The following PUM2 variants were observed in gnomAD, a reference collection of about 807,000 sequenced individuals.
The protein encoded by PUM2 is pumilio RNA binding family member 2, also known as pumilio homolog 2.
Under a neutral mutation model 124.5 loss-of-function variants are expected in PUM2, and 57 were observed. The observed-to-expected ratio is 0.46, with a 90% CI of 0.37 to 0.57. The LOEUF (loss-of-function observed/expected upper bound fraction) is 0.57. Ranked by LOEUF, PUM2 falls within the 20% of genes least tolerant of loss-of-function variation. The pLI is 0.00. For missense variants in PUM2, 1,065 were observed against 1,290.6 expected, an observed-to-expected ratio of 0.83 and a Z score of 2.68; for synonymous variants, 460 against 446.1, an observed-to-expected ratio of 1.03 and a Z score of -0.39.
At chr2:20,288,341 C>A (rs1476014144) in intron 10 of PUM2, among the ~76,000 whole-genome samples, 2 of 152,070 alleles carry the variant, frequency 1.3e-5, no homozygotes, top group Non-Finnish European at 2.9e-5. Flanking sequence ...GGGTGAACTG[C>A]AACAAACTGA....
Position 20,250,109 on chromosome 2 carries a change from C to T in PUM2, c.*1476G>A, listed in dbSNP as rs1357013208. On this transcript the variant is annotated 3_prime_UTR_variant, in exon 21 of 21. Coordinates refer to ENST00000361078, the MANE Select transcript of PUM2 (RefSeq NM_015317.5). The stretch of plus-strand genomic sequence containing the variant: ...TTAATAAGATGAAAAAAGCATTGGC[C>T]TCCATGGTAACCAAATATCTCAGTC... 3 of 152,536 alleles carry T rather than the reference C, an allele frequency of 2.0e-5. No individual in the cohort carries two copies. The highest frequency in any genetic ancestry group is 7.2e-5 in the African/African-American group (3 of 41,418). The allele number at this position is 152,536 out of a possible 1,614,324, so 9.4% of individuals were successfully genotyped here.
chr2:20,332,402 A>G (rs1346249223), intron 1 of PUM2, among the ~76,000 whole-genome samples: 1 of 150,128 alleles, frequency 6.7e-6, no homozygotes, highest in Non-Finnish European at 1.5e-5. Context: ...GTAGAGTAAA[A>G]AGACTTAAAA....
At chr2:20,333,288 C>T (rs1456710699) in intron 1 of PUM2, among the ~76,000 whole-genome samples, 1 of 152,052 alleles carries the variant, frequency 6.6e-6, no homozygotes. Context: ...AATCCTAACA[C>T]ATTATTGAGG....
chr2:20,261,081 G>A (rs1438332329), intron 14 of PUM2, among the ~76,000 whole-genome samples: 2 of 152,098 alleles, frequency 1.3e-5, no homozygotes, highest in Middle Eastern at 3.2e-3. Context: ...TAAACCTACT[G>A]CACTGTCAGT....
At chr2:20,346,023 G>A (rs562029252) in intron 1 of PUM2, among the ~76,000 whole-genome samples, 1 of 152,290 alleles carries the variant, frequency 6.6e-6, no homozygotes, top group South Asian at 2.1e-4. Flanking sequence ...CAAGAGCGTA[G>A]AGCACTCCTA....
chr2:20,249,979 T>A lies in PUM2; in HGVS notation c.*1606A>T, dbSNP rs1662918133. 6.6e-6 allele frequency: 1 copy of A among 152,656 alleles called. No individual in the cohort carries two copies. The highest frequency in any genetic ancestry group is 1.5e-5 in the Non-Finnish European group (1 of 68,036). The allele number at this position is 152,656 out of a possible 1,614,324, so 9.5% of individuals were successfully genotyped here. ...TGTACATCGTGTTACTGTTATGTCT[T>A]ATGTCCAGAGGAAAAAATGTTATCA... On this transcript the variant is annotated 3_prime_UTR_variant, in exon 21 of 21. Transcript: ENST00000361078.
chr2:20,288,694 G>T (rs751573824), intron 10 of PUM2, among the ~76,000 whole-genome samples: 1 of 152,192 alleles, frequency 6.6e-6, no homozygotes, highest in Non-Finnish European at 1.5e-5. Flanking sequence ...GCTAAAGTAT[G>T]AGGCCTGAAG....
rs139616649 is a variant in PUM2 at position 20,332,587 on chromosome 2, T to C, written c.-18-5209A>G. ...CATATCCATATAAACTATAATAAAG[T>C]TGAAGAGATGGGGAGACAGTTGCCC... On this transcript the variant is annotated intron_variant, in intron 1 of 20. Transcript: ENST00000361078. 7.7e-3 allele frequency among the ~76,000 whole-genome samples: 1,166 copies of C among 152,132 alleles called. 11 individuals carry two copies. The highest frequency in any genetic ancestry group is 0.027 in the African/African-American group (1,116 of 41,498).
chr2:20,296,604 C>T (rs982254234), intron 8 of PUM2, among the ~76,000 whole-genome samples: 1 of 146,286 alleles, frequency 6.8e-6, no homozygotes, highest in African/African-American at 2.5e-5. Flanking sequence ...GCCCCCCCAG[C>T]CCCCCCAAAA....
intron 13 of PUM2, among the ~76,000 whole-genome samples, chr2:20,271,810 G>C (rs577192643): frequency 1.8e-4 from 28 of 152,270 alleles, no homozygotes; most frequent in African/African-American, 6.5e-4. Context: ...AGTTTACAAA[G>C]ATGTGAAACA....
At chr2:20,285,188 TC>T in intron 10 of PUM2, among the ~76,000 whole-genome samples, 1 of 152,346 alleles carries the variant, frequency 6.6e-6, no homozygotes, top group South Asian at 2.1e-4. Context: ...CACAGTCAAC[TC>T]AACTCTGAAG....
At chr2:20,316,333 T>C (rs546609058) in intron 3 of PUM2, among the ~76,000 whole-genome samples, 20 of 152,164 alleles carry the variant, frequency 1.3e-4, no homozygotes, top group Non-Finnish European at 2.4e-4. Context: ...TTAAACATTA[T>C]ATAGAAGCAT....
intron 3 of PUM2, among the ~76,000 whole-genome samples, chr2:20,316,139 G>C (rs1680885447): frequency 6.6e-6 from 1 of 151,920 alleles, no homozygotes; most frequent in Admixed American, 6.6e-5. Flanking sequence ...CTCCAAACCT[G>C]GCATATTATG....
intron 6 of PUM2, 84 bp downstream of exon 6, chr2:20,308,230 C>T: frequency 6.6e-7 from 1 of 1,510,326 alleles, no homozygotes; most frequent in Non-Finnish European, 9.0e-7. Context: ...AAACCCCTAC[C>T]ATTCTTTTCA....
intron 16 of PUM2, 149 bp downstream of exon 16, chr2:20,258,094 G>T: frequency 1.7e-6 from 1 of 604,040 alleles, no homozygotes; most frequent in Non-Finnish European, 2.7e-6. Flanking sequence ...AATTAGTAGT[G>T]TGCTATTTAG....
chr2:20,348,015 T>TATTA (rs2149171355), intron 1 of PUM2, among the ~76,000 whole-genome samples: 1 of 152,250 alleles, frequency 6.6e-6, no homozygotes, highest in Non-Finnish European at 1.5e-5. Context: ...TCAGACTATT[T>TATTA]TAATGCATTT....
In PUM2 at chr2:20,249,876, C is replaced by T. The variant is rs1049409828; in HGVS notation, c.*1709G>A. The T allele has an allele frequency of 4.6e-5, 7 of 152,538 alleles. No homozygotes were observed. The highest frequency in any genetic ancestry group is 1.0e-4 in the Non-Finnish European group (7 of 68,020). The allele number at this position is 152,538 out of a possible 1,614,324, so 9.4% of individuals were successfully genotyped here. A position where few individuals can be genotyped will look rare whatever the true frequency, so the allele number is the denominator to read the frequency against. ...ATTTTCATAGGCAAAGGATTAAAAA[C>T]GATTTTAATTATACACATATGGTCA... On this transcript the variant is annotated 3_prime_UTR_variant, in exon 21 of 21. Coordinates refer to ENST00000361078, the MANE Select transcript of PUM2 (RefSeq NM_015317.5).
chr2:20,270,743 CAAT>C (rs1668836326), intron 13 of PUM2, among the ~76,000 whole-genome samples: 1 of 152,074 alleles, frequency 6.6e-6, no homozygotes, highest in Non-Finnish European at 1.5e-5. Flanking sequence ...TGTCCTTACT[CAAT>C]AATAAATTCA....
chr2:20,319,666 T>C (rs766716449), intron 2 of PUM2, among the ~76,000 whole-genome samples: 4 of 152,160 alleles, frequency 2.6e-5, no homozygotes, highest in Non-Finnish European at 5.9e-5. Context: ...TAGTAAACCA[T>C]TAATAAACGC....
Sources: gnomAD v4.1 joint callset for allele counts (sites outside exome capture counted in the v4.1 genomes callset) on GRCh38, gnomAD v4.1.1 for gene constraint, MANE v1.5 for transcripts, NCBI Gene and HGNC (gene_info 2026-07-23, HGNC 2026-07-21) for gene names.